Variants in DNASE1L1 observed in about 807,000 individuals in gnomAD.
The protein encoded by DNASE1L1 is deoxyribonuclease-1-like 1.
In DNASE1L1, 8 loss-of-function variants were observed where a neutral mutation model predicts 18.6. That is an observed-to-expected ratio of 0.43 (90% confidence interval 0.25 to 0.78). DNASE1L1 has a LOEUF of 0.78. Among genes scored for constraint, DNASE1L1 ranks in the 30% least tolerant of loss-of-function variants. The pLI, the probability that DNASE1L1 is intolerant of heterozygous loss-of-function variation, is 0.23. For synonymous variants in DNASE1L1, 114 were observed against 114.2 expected (o/e 1.00, Z 0.01); for missense variants, 214 against 258.2 (o/e 0.83, Z 1.17).
chrX:154,404,022 C>T lies in DNASE1L1; in HGVS notation c.312-400G>A, dbSNP rs782772189. On this transcript the variant is annotated intron_variant, in intron 4 of 7. Coordinates refer to ENST00000369807, the MANE Select transcript of DNASE1L1 (RefSeq NM_001303620.2). ...ATATTTCATATGAATGAAATCAGCT[C>T]ATCAATGTTTTCTGCGTTCGTCCAT... 4.5e-5 allele frequency among the ~76,000 whole-genome samples: 5 copies of T among 110,060 alleles called. No homozygotes were observed. The South Asian group carries it at 2.0e-3, about 44-fold the overall frequency.
upstream of DNASE1L1, chrX:154,409,950 A>G (rs1356075135): frequency 8.9e-6 from 1 of 112,622 alleles, no homozygotes; most frequent in Non-Finnish European, 1.9e-5. Context: ...TAAAAAATCA[A>G]TAAATTATGG....
chrX:154,405,319 C>T lies in DNASE1L1; in HGVS notation c.135+115G>A, dbSNP rs932101594. On this transcript the variant is annotated intron_variant, in intron 2 of 7. Transcript: ENST00000369807. ...CAGGCAAGCGCCTGCGCTGCATCTCCGTGCCACACCTCTTCTTCTCCCCTC... is the reference window on the plus strand; with the variant it reads ...CAGGCAAGCGCCTGCGCTGCATCTCTGTGCCACACCTCTTCTTCTCCCCTC... The T allele has an allele frequency of 3.7e-6, 4 of 1,090,862 alleles. No homozygotes were observed. The Admixed American group carries it at 9.2e-5, about 25-fold the overall frequency. 89.9% of individuals were successfully genotyped at this position (1,090,862 alleles called of 1,213,427 possible). A position where few individuals can be genotyped will look rare whatever the true frequency, so the allele number is the denominator to read the frequency against.
upstream of DNASE1L1, chrX:154,412,071 C>G (rs2068324795): frequency 8.3e-7 from 1 of 1,208,481 alleles, no homozygotes; most frequent in Non-Finnish European, 1.1e-6. Context: ...CGCCTGACTT[C>G]TCCTTCCCCG....
rs782331239 is a variant in DNASE1L1 at position 154,403,006 on chromosome X, C to T, written c.710G>A (p.Arg237Gln). 1.6e-5 allele frequency: 19 copies of T among 1,210,126 alleles called. No individual in the cohort carries two copies. The highest frequency in any genetic ancestry group is 2.3e-4 in the Middle Eastern group (1 of 4,335). Residue 237 changes from arginine to glutamine, a missense_variant, in exon 7 of 8, where the codon CGG (arginine) becomes CAG (glutamine). Transcript: ENST00000369807. ...GGCAGCCGCAGTGTGCAGCAGACTC[C>T]GGCAGCGCTCCCCGTGCAGCACGAC... ...DRVVLHGERC[R>Q]SLLHTAAAFD...
rs1301378562 is a variant in DNASE1L1, at chrX:154,409,195, G to A, written c.-171C>T. On this transcript the variant is annotated 5_prime_UTR_variant, in exon 1 of 8. Transcript: ENST00000369807. The stretch of plus-strand genomic sequence containing the variant: ...AGAAGAGCAGCTCCTGCCTGAATAG[G>A]GCTAGGAGGGGAAAAAAAAGAGGAA... 6.3e-6 allele frequency: 2 copies of A among 319,834 alleles called. No homozygotes were observed. The highest frequency in any genetic ancestry group is 1.3e-5 in the Non-Finnish European group (2 of 159,633). 26.4% of individuals were successfully genotyped at this position (319,834 alleles called of 1,213,427 possible).
At chrX:154,406,096 C>T (rs1162163515) in intron 1 of DNASE1L1, among the ~76,000 whole-genome samples, 15 of 107,293 alleles carry the variant, frequency 1.4e-4, no homozygotes, top group Admixed American at 9.9e-5. Flanking sequence ...CTCAGCCTCC[C>T]GAGTAGCTGG....
chrX:154,406,846 G>A (rs1444729707), intron 1 of DNASE1L1, among the ~76,000 whole-genome samples: 1 of 109,785 alleles, frequency 9.1e-6, no homozygotes, highest in South Asian at 3.8e-4. Flanking sequence ...TGCCCGCCTC[G>A]GCCTCTCAAA....
upstream of DNASE1L1, chrX:154,411,984 C>G (rs782713248): frequency 2.3e-5 from 28 of 1,199,078 alleles, no homozygotes; most frequent in Admixed American, 3.1e-4. Flanking sequence ...CAGGCCCGCC[C>G]GGGTACCCAT....
At chrX:154,409,390 C>A, upstream of DNASE1L1, 1 of 207,347 alleles carries the variant, frequency 4.8e-6, no homozygotes. Context: ...CAGACCCCGC[C>A]TTCCCGGGCC....
At chrX:154,406,064 T>C (rs983603342) in intron 1 of DNASE1L1, among the ~76,000 whole-genome samples, 3 of 105,560 alleles carry the variant, frequency 2.8e-5, no homozygotes, top group South Asian at 4.4e-4. Context: ...CTCCGCCTCC[T>C]GGGTTCACGC....
chrX:154,403,554 G>T lies in DNASE1L1; in HGVS notation c.380C>A (p.Pro127Gln). 1.7e-6 allele frequency: 2 copies of T among 1,211,862 alleles called. No individual in the cohort carries two copies. The highest frequency in any genetic ancestry group is 2.2e-6 in the Non-Finnish European group (2 of 895,458). ...NDEDDVFARE[P>Q]FVAQFSLPSN... ...GGGCAAAGAGAACTGGGCCACAAAT[G>T]GCTCCCGGGCAAAGACGTCATCCTC... is the stretch of plus-strand genomic sequence containing the variant. Residue 127 changes from proline (P) to glutamine (Q), a missense_variant, in exon 5 of 8, where the codon CCA becomes CAA. Transcript: ENST00000369807.
chrX:154,407,758 GCCC>G (rs1191262369), intron 1 of DNASE1L1, among the ~76,000 whole-genome samples: 1 of 89,356 alleles, frequency 1.1e-5, no homozygotes, highest in African/African-American at 4.5e-5. Context: ...ACCGCGCCCG[GCCC>G]CCCCCCTTTT....
intron 4 of DNASE1L1, among the ~76,000 whole-genome samples, chrX:154,404,354 T>A (rs1180148674): frequency 1.8e-5 from 2 of 110,634 alleles, no homozygotes; most frequent in Non-Finnish European, 1.9e-5. Flanking sequence ...AGATGTCATA[T>A]CATTTTATTT....
chrX:154,403,798 C>T (rs1247896547), intron 4 of DNASE1L1, 176 bp from the exon 5 acceptor site: 1 of 445,440 alleles, frequency 2.2e-6, no homozygotes, highest in East Asian at 3.7e-5. Flanking sequence ...ATAAAATTCA[C>T]CTGCTTCAAG....
In DNASE1L1 at chrX:154,403,605, A is replaced by T; in HGVS notation, c.329T>A (p.Val110Asp). The T allele has an allele frequency of 8.3e-7, 1 of 1,211,346 alleles. No homozygotes were observed. The highest frequency in any genetic ancestry group is 1.1e-6 in the Non-Finnish European group (1 of 895,088). Residue 110 changes from valine to aspartate, a missense_variant, in exon 5 of 8, where the codon GTC (valine) becomes GAC (aspartate). Transcript: ENST00000369807. Reference protein sequence around the residue: ...VYFYRSHKTQVLSSYVYNDED... With the variant: ...VYFYRSHKTQDLSSYVYNDED... The stretch of plus-strand genomic sequence containing the variant: ...ATCGTTGTACACGTAGGAACTCAGG[A>T]CCTGTGTTTTGTGTGACCTGGGAGG...
In DNASE1L1 at chrX:154,404,905, G is replaced by A. The variant is rs782396844; in HGVS notation, c.234C>T (p.Gly78=). The A allele has an allele frequency of 1.1e-5, 13 of 1,211,400 alleles. No individual in the cohort carries two copies. Among genetic ancestry groups the A allele is most frequent in the Non-Finnish European group, 1.5e-5 (13 of 895,229 alleles). Residue 78 remains glycine (G), a synonymous_variant, in exon 4 of 8, where the codon GGC becomes GGT. Transcript: ENST00000369807. ...LLLRELNRFD[G]SGPYSTLSSP... ...TGCTCAGGGTGCTGTAGGGCCCAGA[G>A]CCATCAAATCTGCCAAGAAAAGGGG...
Position 154,402,625 on chromosome X carries a change from C to G in DNASE1L1, c.*82G>C, listed in dbSNP as rs2068065672. 2.0e-6 allele frequency: 2 copies of G among 1,007,916 alleles called. No individual in the cohort carries two copies. Among genetic ancestry groups the G allele is most frequent in the African/African-American group, 3.8e-5 (2 of 52,434 alleles). The allele number at this position is 1,007,916 out of a possible 1,213,427, so 83.1% of individuals were successfully genotyped here. ...CACAGGGCAACTATAGTTGAAGCCCCCCAGCCCCAGGGCTGGATGGACGGG... is the reference window on the plus strand; with the variant it reads ...CACAGGGCAACTATAGTTGAAGCCCGCCAGCCCCAGGGCTGGATGGACGGG... On this transcript the variant is annotated 3_prime_UTR_variant, in exon 8 of 8. Coordinates refer to ENST00000369807, the MANE Select transcript of DNASE1L1 (RefSeq NM_001303620.2).
chrX:154,407,758 G>GCCC (rs1191262369), intron 1 of DNASE1L1, among the ~76,000 whole-genome samples: 1 of 89,373 alleles, frequency 1.1e-5, no homozygotes, highest in Non-Finnish European at 2.1e-5. Context: ...ACCGCGCCCG[G>GCCC]CCCCCCCCCT....
At chrX:154,402,908 G>A in intron 7 of DNASE1L1, 34 bp downstream of exon 7, 2 of 1,205,534 alleles carry the variant, frequency 1.7e-6, no homozygotes, top group Non-Finnish European at 2.2e-6. Flanking sequence ...CCCTGCTGCT[G>A]CCCTCCCTCC....
Sources: gnomAD v4.1 joint callset for allele counts (sites outside exome capture counted in the v4.1 genomes callset) on GRCh38, gnomAD v4.1.1 for gene constraint, MANE v1.5 for transcripts, NCBI Gene and HGNC (gene_info 2026-07-23, HGNC 2026-07-21) for gene names.